ZNF827: variants seen among roughly 807,000 people sequenced by gnomAD.
The protein encoded by ZNF827 is zinc finger protein 827.
In ZNF827, 13 loss-of-function variants were observed where a neutral mutation model predicts 102.4. The observed-to-expected ratio is 0.13, with a 90% confidence interval of 0.08 to 0.20. ZNF827 has a LOEUF of 0.20. Among genes scored for constraint, ZNF827 ranks in the 10% least tolerant of loss-of-function variants. ZNF827 has a pLI of 1.00. For missense variants in ZNF827, 1,103 were observed against 1,344.4 expected (o/e 0.82, Z 2.81); for synonymous variants, 523 against 536.2 (o/e 0.98, Z 0.34).
At chr4:145,769,465 A>C (rs1735914655) in intron 11 of ZNF827, among the ~76,000 whole-genome samples, 1 of 152,220 alleles carries the variant, frequency 6.6e-6, no homozygotes, top group African/African-American at 2.4e-5. Flanking sequence ...AATTTCAACT[A>C]CCATCTCTAA....
intron 8 of ZNF827, among the ~76,000 whole-genome samples, chr4:145,782,685 A>G (rs1272392845): frequency 1.3e-5 from 2 of 152,044 alleles, no homozygotes; most frequent in African/African-American, 4.8e-5. Flanking sequence ...AAATCTCATC[A>G]TGTCTTGTTC....
At chr4:145,881,118 T>C (rs996543047) in intron 4 of ZNF827, among the ~76,000 whole-genome samples, 1 of 152,226 alleles carries the variant, frequency 6.6e-6, no homozygotes, top group Admixed American at 6.5e-5. Flanking sequence ...ATGGAAGTTG[T>C]AGAACAAAGG....
rs371602488 is a variant in ZNF827 at position 145,902,595 on chromosome 4, C to T, written c.664G>A (p.Val222Ile). 1.5e-5 allele frequency: 25 copies of T among 1,613,872 alleles called. No individual in the cohort carries two copies. The highest frequency in any genetic ancestry group is 4.5e-5 in the East Asian group (2 of 44,882). ...CTGGTGAGAGATTTGTCCTGCAGAA[C>T]GGCATTGGCTGCAGCTTTCAGTTTT... Reference protein sequence around the residue: ...ILKLKAAANAVLQDKSLTRTE... With the variant: ...ILKLKAAANAILQDKSLTRTE... The change falls in exon 2 of 15, where the codon GTT (valine) becomes ATT (isoleucine). Residue 222 changes from valine (V) to isoleucine (I), a missense_variant. Physicochemically the swap from Val to Ile is conservative, Grantham distance 29. Transcript: ENST00000508784. This position sits in a 1 kb window ranked among gnomAD's most constrained non-coding sequence, Gnocchi z 4.3.
At chr4:145,802,012 G>A (rs1273629906) in intron 8 of ZNF827, among the ~76,000 whole-genome samples, 2 of 152,138 alleles carry the variant, frequency 1.3e-5, no homozygotes, top group Non-Finnish European at 2.9e-5. Flanking sequence ...TGGGGAGAGA[G>A]GGTCATTTGT....
rs1182343099 is a variant in ZNF827, at chr4:145,763,022, C to T, written c.*17+68G>A. On this transcript the variant is annotated intron_variant, in intron 14 of 14. Transcript: ENST00000508784. This position sits in a 1 kb window ranked among gnomAD's most constrained non-coding sequence, Gnocchi z 4.6. Reference sequence around the variant, plus strand: ...ACCTCAGCTCACAGAAGAGTGCACACGAGAGAAATATAAAGCCCATTCCCA... The same window carrying T: ...ACCTCAGCTCACAGAAGAGTGCACATGAGAGAAATATAAAGCCCATTCCCA... 9 of 1,428,308 alleles carry T rather than the reference C, an allele frequency of 6.3e-6. No individual in the cohort carries two copies. Among genetic ancestry groups the T allele is most frequent in the Non-Finnish European group, 6.6e-6 (7 of 1,056,090 alleles). 88.5% of individuals were successfully genotyped at this position (1,428,308 alleles called of 1,614,324 possible).
chr4:145,810,627 C>A (rs1356122697), intron 8 of ZNF827, among the ~76,000 whole-genome samples: 4 of 152,158 alleles, frequency 2.6e-5, no homozygotes, highest in African/African-American at 9.7e-5. Context: ...AAATGTACTG[C>A]CTCTTTTTTA....
At chr4:145,777,438 G>A (rs895459451) in intron 9 of ZNF827, among the ~76,000 whole-genome samples, 15 of 152,094 alleles carry the variant, frequency 9.9e-5, no homozygotes, top group Non-Finnish European at 1.8e-4. Context: ...CTTTATAAAC[G>A]GTATGTCCTT....
At chr4:145,887,229 A>C (rs1273512915) in intron 3 of ZNF827, among the ~76,000 whole-genome samples, 1 of 152,092 alleles carries the variant, frequency 6.6e-6, no homozygotes, top group Non-Finnish European at 1.5e-5. Context: ...TTTAGGGGTG[A>C]CCTAAGCAGG....
intron 1 of ZNF827, among the ~76,000 whole-genome samples, chr4:145,928,983 G>A (rs974345764): frequency 3.3e-5 from 5 of 152,184 alleles, no homozygotes; most frequent in African/African-American, 7.2e-5. Flanking sequence ...GGCCCAGTGC[G>A]AGTGACTCTT....
chr4:145,770,271 C>A (rs1736040204), intron 11 of ZNF827, among the ~76,000 whole-genome samples: 1 of 151,694 alleles, frequency 6.6e-6, no homozygotes, highest in African/African-American at 2.4e-5. Context: ...TTCACTCCAG[C>A]CTCGGCAACA....
rs1290874568 is a variant in ZNF827, at chr4:145,902,677, A to G, written c.582T>C (p.Gly194=). The G allele has an allele frequency of 3.1e-6, 5 of 1,613,990 alleles. No individual in the cohort carries two copies. Among genetic ancestry groups the G allele is most frequent in the Non-Finnish European group, 4.2e-6 (5 of 1,180,036 alleles). ...TGGTGGTTGAGTTTGGCAACCACTT[A>G]CCTTGATTCCATATAAAACGGTTAC... ...TPSNRFIWNQ[G]KWLPNSTTTC... Residue 194 remains glycine, a synonymous_variant, in exon 2 of 15, where the codon GGT becomes GGC. Transcript: ENST00000508784. The surrounding 1 kb of genome is among the most constrained non-coding windows in gnomAD (Gnocchi z 4.3).
intron 7 of ZNF827, among the ~76,000 whole-genome samples, chr4:145,841,930 AC>A (rs1437566005): frequency 5.7e-4 from 86 of 152,196 alleles, no homozygotes; most frequent in African/African-American, 1.7e-3. Flanking sequence ...AAAAAAAAAA[AC>A]AAAACAAAAA....
chr4:145,769,806 G>A (rs1161574534), intron 11 of ZNF827, among the ~76,000 whole-genome samples: 1 of 152,088 alleles, frequency 6.6e-6, no homozygotes, highest in African/African-American at 2.4e-5. Flanking sequence ...CAGCTGAAGA[G>A]AACTTAAAAA....
chr4:145,825,064 A>G (rs1174149740), intron 7 of ZNF827, among the ~76,000 whole-genome samples: 2 of 152,222 alleles, frequency 1.3e-5, no homozygotes, highest in Non-Finnish European at 2.9e-5. Context: ...GGAGAAGCGA[A>G]GGGGCAGATA....
At chr4:145,790,610 T>TA (rs1739540754) in intron 8 of ZNF827, among the ~76,000 whole-genome samples, 1 of 152,212 alleles carries the variant, frequency 6.6e-6, no homozygotes, top group Admixed American at 6.5e-5. Flanking sequence ...GCAGTTCTCT[T>TA]CACTAAGATT....
At chr4:145,856,886 C>G (rs1158255108) in intron 5 of ZNF827, among the ~76,000 whole-genome samples, 1 of 151,956 alleles carries the variant, frequency 6.6e-6, no homozygotes, top group Non-Finnish European at 1.5e-5. Context: ...CCAATCTTTA[C>G]AGCAGCCTAA....
rs1277878018 is a variant in ZNF827 at position 145,761,159 on chromosome 4, A to G, written c.*457T>C. ...CCGGCCGGTTCCTTGGGGGCTGGAC[A>G]CAGGCCCTTCTTGTCCTCCTCGGGG... On this transcript the variant is annotated 3_prime_UTR_variant, in exon 15 of 15. Coordinates refer to ENST00000508784, the MANE Select transcript of ZNF827 (RefSeq NM_001306215.2). The surrounding 1 kb of genome is among the most constrained non-coding windows in gnomAD (Gnocchi z 6.8). 7.8e-7 allele frequency: 1 copy of G among 1,289,838 alleles called. No individual in the cohort carries two copies. The highest frequency in any genetic ancestry group is 1.2e-5 in the South Asian group (1 of 81,038). The allele number at this position is 1,289,838 out of a possible 1,614,324, so 79.9% of individuals were successfully genotyped here. A position where few individuals can be genotyped will look rare whatever the true frequency, so the allele number is the denominator to read the frequency against.
At position 145,846,343 on chromosome 4, in the gene ZNF827, T is replaced by G. The variant is rs548825437; in HGVS notation, c.2222-330A>C. ...AATACAAAAAATTAGCCAGGGATGG[T>G]GGTGGGCATCTATGGTCCCAGCTAC... On this transcript the variant is annotated intron_variant, in intron 6 of 14. Coordinates refer to ENST00000508784, the MANE Select transcript of ZNF827 (RefSeq NM_001306215.2). Among the ~76,000 whole-genome samples the G allele has an allele frequency of 9.2e-5, 14 of 152,084 alleles. 1 individual carries two copies. The South Asian group carries it at 2.9e-3, about 32-fold the overall frequency.
intron 6 of ZNF827, among the ~76,000 whole-genome samples, chr4:145,847,722 G>GA (rs1234907096): frequency 2.6e-5 from 4 of 152,124 alleles, no homozygotes; most frequent in Non-Finnish European, 5.9e-5. Context: ...TTAATATCTA[G>GA]AAAAAACCTG....
Sources: allele counts gnomAD v4.1 joint callset (sites outside exome capture counted in the v4.1 genomes callset), GRCh38; gene constraint gnomAD v4.1.1; non-coding constraint Gnocchi (gnomAD v3.1); transcripts MANE v1.5; gene names NCBI Gene and HGNC (gene_info 2026-07-23, HGNC 2026-07-21).